Variants in PRICKLE2 observed in about 807,000 individuals in gnomAD.
The protein encoded by PRICKLE2 is prickle planar cell polarity protein 2, also known as prickle-like protein 2.
A neutral mutation model predicts 81.4 loss-of-function variants in PRICKLE2; 21 were observed. The observed-to-expected ratio is 0.26, with a 90% confidence interval of 0.18 to 0.37. PRICKLE2 has a LOEUF of 0.37. PRICKLE2 is among the 10% of genes least tolerant of loss of function. PRICKLE2 has a pLI of 1.00. For synonymous variants in PRICKLE2, 456 were observed against 421.5 expected, an observed-to-expected ratio of 1.08 and a Z score of -1.00; for missense variants, 940 against 1,109.0, an observed-to-expected ratio of 0.85 and a Z score of 2.16.
At chr3:64,192,516 T>C (rs982313036) in intron 2 of PRICKLE2, among the ~76,000 whole-genome samples, 4 of 152,234 alleles carry the variant, frequency 2.6e-5, no homozygotes, top group Non-Finnish European at 1.5e-5. Flanking sequence ...ATACATTTAA[T>C]CTGACACCTG....
At chr3:64,204,016 A>AAACAAC (rs556857289) in intron 1 of PRICKLE2, among the ~76,000 whole-genome samples, 5 of 151,888 alleles carry the variant, frequency 3.3e-5, no homozygotes, top group African/African-American at 4.8e-5. Flanking sequence ...AACAAAAACA[A>AAACAAC]AACAACAACA....
intron 2 of PRICKLE2, among the ~76,000 whole-genome samples, chr3:64,187,945 A>C (rs2078265588): frequency 6.6e-6 from 1 of 152,250 alleles, no homozygotes; most frequent in Non-Finnish European, 1.5e-5. Context: ...AGGGAGCTGA[A>C]GAAACAGGGC....
chr3:64,095,982 C>T lies in PRICKLE2; in HGVS notation c.*3069G>A, dbSNP rs532758214. 1 of 152,364 alleles carries T rather than the reference C, an allele frequency of 6.6e-6. No individual in the cohort carries two copies. Among genetic ancestry groups the T allele is most frequent in the Non-Finnish European group, 1.5e-5 (1 of 68,064 alleles). The allele number at this position is 152,364 out of a possible 1,614,324, so 9.4% of individuals were successfully genotyped here. On this transcript the variant is annotated 3_prime_UTR_variant, in exon 8 of 8. Transcript: ENST00000638394. ...CCACCTGGCTGCCAAGAAGCCTTTT[C>T]ACAGTACCAAGGGTGGTATGGATTG...
chr3:64,178,264 G>A (rs971213128), intron 2 of PRICKLE2, among the ~76,000 whole-genome samples: 2 of 152,116 alleles, frequency 1.3e-5, no homozygotes, highest in African/African-American at 2.4e-5. Context: ...TTGTTGAACC[G>A]TATATATTCT....
At chr3:64,107,312 C>T (rs960796244) in intron 7 of PRICKLE2, among the ~76,000 whole-genome samples, 16 of 152,184 alleles carry the variant, frequency 1.1e-4, no homozygotes, top group African/African-American at 2.9e-4. Flanking sequence ...CTGGCCTCTG[C>T]GAGAAAATCA....
At chr3:64,240,670 C>T (rs578028012) in intron 2 of PRICKLE2, among the ~76,000 whole-genome samples, 18 of 152,260 alleles carry the variant, frequency 1.2e-4, no homozygotes, top group African/African-American at 2.4e-4. Flanking sequence ...TCTGAGCCAG[C>T]GGTTCTCACA....
Position 64,157,459 on chromosome 3 carries a change from C to T in PRICKLE2, c.397-94G>A, listed in dbSNP as rs142443764. ...AAGGACAACCACCATTAGCTGGCTA[C>T]TGAGTGCTTATGTTCAAAGCAGTCA... is the stretch of plus-strand genomic sequence containing the variant. On this transcript the variant is annotated intron_variant, in intron 4 of 7. Transcript: ENST00000638394. The T allele has an allele frequency of 6.0e-3, 7,837 of 1,305,610 alleles. 36 individuals carry two copies. The highest frequency in any genetic ancestry group is 7.4e-3 in the Non-Finnish European group (6,843 of 922,372). The allele number at this position is 1,305,610 out of a possible 1,614,324, so 80.9% of individuals were successfully genotyped here. A position where few individuals can be genotyped will look rare whatever the true frequency, so the allele number is the denominator to read the frequency against.
chr3:64,110,063 T>A lies in PRICKLE2; in HGVS notation c.1661-10138A>T, dbSNP rs575338133. 1.1e-4 allele frequency among the ~76,000 whole-genome samples: 17 copies of A among 152,308 alleles called. No homozygotes were observed. In the East Asian group the frequency reaches 1.5e-3, roughly 14 times the overall value. ...AACCAGGAAGGGACATCTTCCAGAA[T>A]CATGTGGAGTCAGTTTTAACTAGTA... On this transcript the variant is annotated intron_variant, in intron 7 of 7. Coordinates refer to ENST00000638394, the MANE Select transcript of PRICKLE2 (RefSeq NM_198859.4).
chr3:64,229,332 A>T (rs536805995), upstream of PRICKLE2, among the ~76,000 whole-genome samples: 1 of 152,314 alleles, frequency 6.6e-6, no homozygotes, highest in South Asian at 2.1e-4. Context: ...TCTACTGGTC[A>T]GGTTACAGAA....
At chr3:64,223,300 C>T (rs1258603828) in intron 1 of PRICKLE2, among the ~76,000 whole-genome samples, 1 of 152,202 alleles carries the variant, frequency 6.6e-6, no homozygotes, top group African/African-American at 2.4e-5. Flanking sequence ...AATCCTTACA[C>T]CTATCACCCT....
At chr3:64,244,815 C>T (rs1376296400) in intron 2 of PRICKLE2, among the ~76,000 whole-genome samples, 1 of 152,086 alleles carries the variant, frequency 6.6e-6, no homozygotes. Context: ...CAAAAAAGAG[C>T]AGTATCATTA....
chr3:64,165,844 G>C (rs1295940562), intron 2 of PRICKLE2, among the ~76,000 whole-genome samples: 1 of 152,166 alleles, frequency 6.6e-6, no homozygotes, highest in Non-Finnish European at 1.5e-5. Context: ...CTGGCTTGTA[G>C]AGTGAGACCA....
chr3:64,223,298 C>A (rs1443923980), intron 1 of PRICKLE2, among the ~76,000 whole-genome samples: 1 of 152,212 alleles, frequency 6.6e-6, no homozygotes, highest in African/African-American at 2.4e-5. Flanking sequence ...TAAATCCTTA[C>A]ACCTATCACC....
At chr3:64,141,975 T>C in intron 7 of PRICKLE2, 9 of 979,546 alleles carry the variant, frequency 9.2e-6, no homozygotes, top group Non-Finnish European at 1.1e-5. Flanking sequence ...GATATGCAGA[T>C]AGTTTAGAAT....
chr3:64,199,039 C>A, intron 1 of PRICKLE2, 72 bp from the exon 2 acceptor site: 1 of 1,412,848 alleles, frequency 7.1e-7, no homozygotes, highest in Non-Finnish European at 9.7e-7. Context: ...CTGCCAGTCA[C>A]TAGCCCCTGG....
rs556623252 is a variant in PRICKLE2, at chr3:64,265,601, C to T, written c.129-66634G>A. On this transcript the variant is annotated intron_variant, in intron 2 of 8. Coordinates refer to the PRICKLE2 transcript ENST00000295902. ...GCATACACAGCTACACAAAGCAGCA[C>T]GCATGTCCCTCAGTTGCCTCTTACC... Among the ~76,000 whole-genome samples the T allele has an allele frequency of 8.5e-5, 13 of 152,272 alleles. No individual in the cohort carries two copies. In the South Asian group the frequency reaches 1.0e-3, roughly 12 times the overall value.
intron 3 of PRICKLE2, among the ~76,000 whole-genome samples, chr3:64,161,798 C>T (rs941935517): frequency 2.7e-5 from 4 of 150,514 alleles, no homozygotes; most frequent in Admixed American, 6.6e-5. Context: ...TATATGGTTA[C>T]ACCACTGACA....
intron 7 of PRICKLE2, among the ~76,000 whole-genome samples, chr3:64,137,447 A>T (rs1354352181): frequency 6.6e-6 from 1 of 152,174 alleles, no homozygotes; most frequent in Non-Finnish European, 1.5e-5. Flanking sequence ...TAAAATCAGC[A>T]ATCTTTTCTC....
chr3:64,121,813 T>C (rs567473654), intron 7 of PRICKLE2, among the ~76,000 whole-genome samples: 4 of 152,308 alleles, frequency 2.6e-5, no homozygotes, highest in South Asian at 4.1e-4. Context: ...ATATTTGCTA[T>C]AAACGGTGCT....
Sources: allele counts gnomAD v4.1 joint callset (sites outside exome capture counted in the v4.1 genomes callset), GRCh38; gene constraint gnomAD v4.1.1; transcripts MANE v1.5; gene names NCBI Gene and HGNC (gene_info 2026-07-23, HGNC 2026-07-21).